DNAJC2: variants seen among roughly 807,000 people sequenced by gnomAD.
The protein encoded by DNAJC2 is DnaJ heat shock protein family (Hsp40) member C2, also known as dnaJ homolog subfamily C member 2.
DNAJC2 carries 32 observed loss-of-function variants against 94.0 expected under a neutral mutation model. That is an observed-to-expected ratio of 0.34 (90% CI 0.26 to 0.46). DNAJC2 has a LOEUF of 0.46. Ranked by LOEUF, DNAJC2 falls within the 20% of genes least tolerant of loss-of-function variation. The pLI is 1.00. For missense variants in DNAJC2, 550 were observed against 719.5 expected, an observed-to-expected ratio of 0.76 and a Z score of 2.69; for synonymous variants, 210 against 229.7, an observed-to-expected ratio of 0.91 and a Z score of 0.77.
intron 3 of DNAJC2, 124 bp from the exon 4 acceptor site, chr7:103,327,878 AT>A: frequency 1.7e-6 from 1 of 586,026 alleles, no homozygotes; most frequent in Non-Finnish European, 3.0e-6. Flanking sequence ...ACAGTAAAAT[AT>A]ATGCTTATTC....
chr7:103,337,443 A>G, intron 3 of DNAJC2: 1 of 269,380 alleles, frequency 3.7e-6, no homozygotes. Context: ...TTCTAAAGAG[A>G]GGTGAAGTAT....
Position 103,341,818 on chromosome 7 carries a change from T to G in DNAJC2, c.201A>C (p.Glu67Asp). 1.2e-6 allele frequency: 2 copies of G among 1,609,810 alleles called. No homozygotes were observed. The change falls in exon 2 of 17, where the codon GAA (glutamate) becomes GAC (aspartate). Residue 67 changes from glutamate (E) to aspartate (D), a missense_variant. Glu to Asp is a conservative substitution (Grantham distance 45). Transcript: ENST00000379263. Reference protein sequence around the residue: ...KELSEESEDEELQLEEFPMLK... With the variant: ...KELSEESEDEDLQLEEFPMLK... ...GCATGGGAAACTCTTCCAACTGCAA[T>G]TCTTCATCTTCTGATTCCTCGGATA...
At chr7:103,331,681 G>A (rs892169787) in intron 3 of DNAJC2, among the ~76,000 whole-genome samples, 1 of 152,130 alleles carries the variant, frequency 6.6e-6, no homozygotes, top group Non-Finnish European at 1.5e-5. Flanking sequence ...TATTTCTGCA[G>A]ACGTTTCATT....
intron 10 of DNAJC2, among the ~76,000 whole-genome samples, chr7:103,320,556 C>T (rs933172029): frequency 6.6e-5 from 10 of 151,008 alleles, no homozygotes; most frequent in East Asian, 2.0e-4. Flanking sequence ...GTCAGGAGAT[C>T]GAGACCATCC....
chr7:103,337,914 A>C, intron 2 of DNAJC2, 103 bp from the exon 3 acceptor site: 1 of 803,354 alleles, frequency 1.2e-6, no homozygotes, highest in Admixed American at 2.3e-5. Context: ...GTGACATTTC[A>C]TCAGGAGTCC....
At chr7:103,325,727 T>C (rs1250877635) in intron 5 of DNAJC2, among the ~76,000 whole-genome samples, 2 of 149,324 alleles carry the variant, frequency 1.3e-5, no homozygotes, top group Non-Finnish European at 2.9e-5. Flanking sequence ...AAAAAAAAGA[T>C]GTAAAATAAT....
At chr7:103,337,409 A>G (rs1040944293) in intron 3 of DNAJC2, 22 of 193,644 alleles carry the variant, frequency 1.1e-4, no homozygotes, top group Middle Eastern at 1.9e-3. Context: ...AAAAGGCAGT[A>G]TCCACTAAGT....
chr7:103,320,363 G>A (rs1818318143), intron 10 of DNAJC2, among the ~76,000 whole-genome samples: 1 of 152,026 alleles, frequency 6.6e-6, no homozygotes, highest in Admixed American at 6.6e-5. Flanking sequence ...GCTGGTTACA[G>A]GTGTGAGCCA....
intron 7 of DNAJC2, 59 bp downstream of exon 7, chr7:103,323,539 A>C: frequency 7.3e-7 from 1 of 1,376,630 alleles, no homozygotes; most frequent in South Asian, 1.5e-5. Flanking sequence ...TTTTTACATC[A>C]TCACAAATAC....
chr7:103,339,794 T>C (rs936366127), intron 2 of DNAJC2, among the ~76,000 whole-genome samples: 1 of 151,952 alleles, frequency 6.6e-6, no homozygotes, highest in East Asian at 1.9e-4. Context: ...ATTTTTCATG[T>C]TATGTGATTG....
chr7:103,341,484 C>T (rs1819372665), intron 2 of DNAJC2, among the ~76,000 whole-genome samples: 1 of 152,156 alleles, frequency 6.6e-6, no homozygotes, highest in Non-Finnish European at 1.5e-5. Context: ...TCCTTCTGCC[C>T]AGAATACTTT....
chr7:103,328,538 T>G (rs1818828099), intron 3 of DNAJC2, among the ~76,000 whole-genome samples: 1 of 151,934 alleles, frequency 6.6e-6, no homozygotes, highest in African/African-American at 2.4e-5. Flanking sequence ...GGCTCAGACA[T>G]AAGAATCGCT....
chr7:103,334,950 C>T (rs1165681706), intron 3 of DNAJC2, among the ~76,000 whole-genome samples: 1 of 152,114 alleles, frequency 6.6e-6, no homozygotes, highest in Non-Finnish European at 1.5e-5. Context: ...TCTCGTGCCG[C>T]AGCCGCCCAA....
chr7:103,334,606 A>T (rs945538780), intron 3 of DNAJC2, among the ~76,000 whole-genome samples: 10 of 151,144 alleles, frequency 6.6e-5, no homozygotes, highest in East Asian at 3.9e-4. Context: ...TTGAAAAAAA[A>T]TTTTTTTAAT....
intron 13 of DNAJC2, 182 bp downstream of exon 13, chr7:103,316,648 G>A (rs1779295369): frequency 1.7e-6 from 1 of 603,984 alleles, no homozygotes; most frequent in African/African-American, 1.9e-5. Context: ...ATGTGCATGT[G>A]TACTGATGCA....
At chr7:103,335,987 G>C (rs931373725) in intron 3 of DNAJC2, 2 of 152,230 alleles carry the variant, frequency 1.3e-5, no homozygotes, top group African/African-American at 4.8e-5. Context: ...GACCAACATG[G>C]TGAAATCCCG....
chr7:103,312,972 T>A lies in DNAJC2; in HGVS notation c.1766A>T (p.Lys589Met). 1 of 1,613,928 alleles carries A rather than the reference T, an allele frequency of 6.2e-7. No homozygotes were observed. Among genetic ancestry groups the A allele is most frequent in the Non-Finnish European group, 8.5e-7 (1 of 1,179,912 alleles). ...CTTGTATCGTTTCATGCAGTCCTTC[T>A]TTGTCCTGCCAGGCACCGCTTCTGC... ...KIAEAVPGRTKKDCMKRYKEL... is the reference protein window; with the variant it reads ...KIAEAVPGRTMKDCMKRYKEL... The change falls in exon 16 of 17, where the codon AAG (lysine) becomes ATG (methionine). Residue 589 changes from lysine (K) to methionine (M), a missense_variant. Lys to Met is a moderately conservative substitution (Grantham distance 95). This residue lies in a region of DNAJC2 where 271 missense variants were observed against 302.6 expected (regional missense o/e 0.90). Transcript: ENST00000379263.
chr7:103,315,706 G>A lies in DNAJC2; in HGVS notation c.1636+58C>T, dbSNP rs757109989. The A allele has an allele frequency of 4.2e-5, 49 of 1,167,188 alleles. 1 individual carries two copies. The highest frequency in any genetic ancestry group is 1.9e-4 in the Middle Eastern group (1 of 5,184). 72.3% of individuals were successfully genotyped at this position (1,167,188 alleles called of 1,614,324 possible). A position where few individuals can be genotyped will look rare whatever the true frequency, so the allele number is the denominator to read the frequency against. On this transcript the variant is annotated intron_variant, in intron 15 of 16. Coordinates refer to ENST00000379263, the MANE Select transcript of DNAJC2 (RefSeq NM_014377.3). ...TGAACATAGACCCTAAGTCTTGTAC[G>A]TCCAAGCAGCACAGATACATGGCTA...
At chr7:103,343,037 TTG>T (rs1261852110) in intron 1 of DNAJC2, among the ~76,000 whole-genome samples, 1 of 151,952 alleles carries the variant, frequency 6.6e-6, no homozygotes, top group African/African-American at 2.4e-5. Flanking sequence ...TTTGCTCTTG[TTG>T]TCCAGGCTGT....
Sources: allele counts gnomAD v4.1 joint callset (sites outside exome capture counted in the v4.1 genomes callset), GRCh38; gene constraint gnomAD v4.1.1; regional missense constraint gnomAD v4.1.1; transcripts MANE v1.5; gene names NCBI Gene and HGNC (gene_info 2026-07-23, HGNC 2026-07-21).